TRPM3: variants seen among roughly 807,000 people sequenced by gnomAD.
TRPM3 encodes the protein long transient receptor potential channel 3.
A neutral mutation model predicts 181.2 loss-of-function variants in TRPM3; 77 were observed. The ratio of observed to expected loss-of-function variants is 0.42; its 90% CI spans 0.35 to 0.51. The LOEUF is 0.51. Ranked by LOEUF, TRPM3 falls within the 20% of genes least tolerant of loss-of-function variation. TRPM3 has a pLI of 0.01. For missense variants in TRPM3, 1,759 were observed against 2,196.7 expected (o/e 0.80, Z 3.98); for synonymous variants, 745 against 796.4 (o/e 0.94, Z 1.09).
intron 1 of TRPM3, among the ~76,000 whole-genome samples, chr9:71,282,990 C>G (rs186871784): frequency 6.6e-6 from 1 of 152,140 alleles, no homozygotes. Context: ...GGTGCCATAT[C>G]GTGATCCTTC....
intron 1 of TRPM3, among the ~76,000 whole-genome samples, chr9:71,306,916 T>C (rs1182263671): frequency 3.3e-5 from 5 of 152,242 alleles, no homozygotes; most frequent in Non-Finnish European, 7.3e-5. Context: ...TGGTTAAGGA[T>C]AACTCCATAT....
intron 1 of TRPM3, among the ~76,000 whole-genome samples, chr9:71,283,796 C>T (rs886068969): frequency 1.4e-4 from 22 of 152,330 alleles, no homozygotes; most frequent in South Asian, 6.2e-4. Flanking sequence ...TTTTTAACTA[C>T]CACCCCTCTT....
chr9:70,541,108 A>G (rs2043219700), intron 25 of TRPM3, among the ~76,000 whole-genome samples: 1 of 152,170 alleles, frequency 6.6e-6, no homozygotes, highest in Non-Finnish European at 1.5e-5. Flanking sequence ...CAAGGAGATG[A>G]GAGGAAAGCA....
At chr9:70,593,545 C>T (rs2058487651) in intron 21 of TRPM3, among the ~76,000 whole-genome samples, 1 of 152,128 alleles carries the variant, frequency 6.6e-6, no homozygotes, top group Non-Finnish European at 1.5e-5. Context: ...AATTTAATTT[C>T]TCAGGATTGT....
chr9:71,172,111 A>G (rs1312330526), intron 1 of TRPM3, among the ~76,000 whole-genome samples: 1 of 152,004 alleles, frequency 6.6e-6, no homozygotes, highest in Non-Finnish European at 1.5e-5. Context: ...TCTGTCGCCC[A>G]GGCTGATTTC....
chr9:70,610,546 T>C, intron 19 of TRPM3, 63 bp downstream of exon 19: 1 of 1,556,032 alleles, frequency 6.4e-7, no homozygotes. Context: ...CACAGATGCA[T>C]GAGAAATGGA....
intron 22 of TRPM3, among the ~76,000 whole-genome samples, chr9:70,578,036 C>T (rs1352860635): frequency 6.6e-6 from 1 of 152,174 alleles, no homozygotes; most frequent in Non-Finnish European, 1.5e-5. Context: ...TGCTTCAAGG[C>T]CTGTGATTCT....
chr9:71,233,102 T>C (rs1047869426), intron 1 of TRPM3, among the ~76,000 whole-genome samples: 2 of 152,240 alleles, frequency 1.3e-5, no homozygotes, highest in African/African-American at 4.8e-5. Context: ...GTCTTCATTT[T>C]ACTGTCCTGC....
chr9:70,697,751 T>C (rs2071014484), intron 8 of TRPM3, among the ~76,000 whole-genome samples: 1 of 152,182 alleles, frequency 6.6e-6, no homozygotes. Flanking sequence ...AGAGTAATTA[T>C]CAGTATAATT....
intron 9 of TRPM3, among the ~76,000 whole-genome samples, chr9:70,648,746 G>A (rs1375913139): frequency 6.6e-6 from 1 of 152,114 alleles, no homozygotes; most frequent in Non-Finnish European, 1.5e-5. Context: ...AATAGGGCAA[G>A]GACTCTCTAT....
intron 1 of TRPM3, among the ~76,000 whole-genome samples, chr9:71,018,569 A>G (rs991872374): frequency 2.0e-5 from 3 of 151,970 alleles, no homozygotes; most frequent in African/African-American, 7.2e-5. Flanking sequence ...ATGCAAAGGG[A>G]AAATCCTTAG....
upstream of TRPM3, among the ~76,000 whole-genome samples, chr9:71,125,498 C>G (rs182029644): frequency 2.4e-4 from 36 of 152,228 alleles, no homozygotes; most frequent in Admixed American, 1.4e-3. Context: ...GTTTCCAGCT[C>G]CATCCATGTC....
At chr9:71,086,700 A>C (rs896548362) in intron 1 of TRPM3, among the ~76,000 whole-genome samples, 3 of 151,998 alleles carry the variant, frequency 2.0e-5, no homozygotes, top group African/African-American at 7.2e-5. Flanking sequence ...CCCTTGCAGA[A>C]GCTGAAAACT....
chr9:71,201,516 A>G (rs1244655887), intron 1 of TRPM3, among the ~76,000 whole-genome samples: 1 of 152,182 alleles, frequency 6.6e-6, no homozygotes, highest in Non-Finnish European at 1.5e-5. Flanking sequence ...TACACCAATC[A>G]GACGTAGATT....
At chr9:70,962,987 A>G (rs2097151784) in intron 1 of TRPM3, among the ~76,000 whole-genome samples, 1 of 152,132 alleles carries the variant, frequency 6.6e-6, no homozygotes, top group South Asian at 2.1e-4. Context: ...TTGAAACACA[A>G]ACCAGTTGAG....
intron 21 of TRPM3, among the ~76,000 whole-genome samples, chr9:70,595,187 A>G (rs1045734158): frequency 6.6e-6 from 1 of 152,222 alleles, no homozygotes; most frequent in Non-Finnish European, 1.5e-5. Flanking sequence ...GCATGACTTC[A>G]GTTATTCCAA....
chr9:71,208,921 C>T (rs1162884780), intron 1 of TRPM3, among the ~76,000 whole-genome samples: 1 of 152,180 alleles, frequency 6.6e-6, no homozygotes, highest in Non-Finnish European at 1.5e-5. Context: ...CCTAAAACAT[C>T]TCCAGCTGCA....
chr9:71,296,574 T>G (rs942051668), intron 1 of TRPM3, among the ~76,000 whole-genome samples: 1 of 152,122 alleles, frequency 6.6e-6, no homozygotes, highest in Non-Finnish European at 1.5e-5. Flanking sequence ...TGGGGCCTCA[T>G]GAGATTAAGG....
At chr9:71,158,253 C>T (rs969537253) in intron 1 of TRPM3, among the ~76,000 whole-genome samples, 1 of 152,118 alleles carries the variant, frequency 6.6e-6, no homozygotes, top group Admixed American at 6.6e-5. Context: ...ATGTGATTAT[C>T]CTCATTTTAT....
Sources: allele counts gnomAD v4.1 joint callset (sites outside exome capture counted in the v4.1 genomes callset), GRCh38; gene constraint gnomAD v4.1.1; transcripts MANE v1.5; gene names NCBI Gene and HGNC (gene_info 2026-07-23, HGNC 2026-07-21).